CTNNBL1: variants seen among roughly 807,000 people sequenced by gnomAD.
CTNNBL1 encodes the protein catenin beta like 1, also known as beta-catenin-like protein 1.
In CTNNBL1, 31 loss-of-function variants were observed where a neutral mutation model predicts 72.7. The ratio of observed to expected loss-of-function variants is 0.43; its 90% CI spans 0.32 to 0.58. The LOEUF (loss-of-function observed/expected upper bound fraction) is 0.58, where lower values mean the gene tolerates loss of function less well. Ranked by LOEUF, CTNNBL1 falls within the 20% of genes least tolerant of loss-of-function variation. The pLI is 0.08. For synonymous variants in CTNNBL1, 240 were observed against 267.3 expected, an observed-to-expected ratio of 0.90 and a Z score of 1.00; for missense variants, 534 against 725.1, an observed-to-expected ratio of 0.74 and a Z score of 3.03.
intron 8 of CTNNBL1, 75 bp from the exon 9 acceptor site, chr20:37,777,579 G>A: frequency 3.4e-6 from 5 of 1,455,672 alleles, no homozygotes; most frequent in South Asian, 1.1e-5. Context: ...GTTTGCTGAT[G>A]TATCAGTGTT....
chr20:37,807,985 G>A (rs562702832), intron 11 of CTNNBL1, among the ~76,000 whole-genome samples: 76 of 152,126 alleles, frequency 5.0e-4, no homozygotes, highest in African/African-American at 1.6e-3. Context: ...AGTTTTCCTC[G>A]TATTGCTTCA....
intron 13 of CTNNBL1, among the ~76,000 whole-genome samples, chr20:37,855,335 A>T (rs2072430622): frequency 6.6e-6 from 1 of 152,182 alleles, no homozygotes; most frequent in Non-Finnish European, 1.5e-5. Context: ...GACTTAGTCC[A>T]GCCTTCTTCT....
In CTNNBL1 at chr20:37,842,401, G is replaced by A; in HGVS notation, c.1374G>A (p.Lys458=). The A allele has an allele frequency of 6.2e-7, 1 of 1,613,618 alleles. No individual in the cohort carries two copies. Among genetic ancestry groups the A allele is most frequent in the Non-Finnish European group, 8.5e-7 (1 of 1,179,472 alleles). Residue 458 remains lysine (K), a synonymous_variant, in exon 13 of 16, where the codon AAG becomes AAA. Transcript: ENST00000361383. ...YLGAMQVADK[K]IEGEKHDMVR... Reference sequence around the variant, plus strand: ...GTGCAATGCAGGTGGCGGACAAGAAGATTGAAGGGGAAAAACACGTATGTA... The same window carrying A: ...GTGCAATGCAGGTGGCGGACAAGAAAATTGAAGGGGAAAAACACGTATGTA...
At chr20:37,814,206 G>T (rs1483548679) in intron 11 of CTNNBL1, among the ~76,000 whole-genome samples, 1 of 152,130 alleles carries the variant, frequency 6.6e-6, no homozygotes, top group African/African-American at 2.4e-5. Context: ...GTTTGTTTTG[G>T]TTTTTTTAGA....
At chr20:37,800,456 G>A (rs1164256141) in intron 10 of CTNNBL1, among the ~76,000 whole-genome samples, 1 of 152,108 alleles carries the variant, frequency 6.6e-6, no homozygotes, top group Non-Finnish European at 1.5e-5. Flanking sequence ...GTGGCTTCCT[G>A]ATGGTGAAAT....
At chr20:37,869,274 GCAGGGGTGGGGCTGA>G (rs2072562504) in intron 15 of CTNNBL1, among the ~76,000 whole-genome samples, 1 of 152,244 alleles carries the variant, frequency 6.6e-6, no homozygotes, top group Non-Finnish European at 1.5e-5. Context: ...CCCAGCATTG[GCAGGGGTGGGGCTGA>G]CAGGGGAGGG....
chr20:37,723,369 G>T (rs141331209), intron 1 of CTNNBL1, among the ~76,000 whole-genome samples: 1 of 152,106 alleles, frequency 6.6e-6, no homozygotes, highest in African/African-American at 2.4e-5. Flanking sequence ...CCCCTTCATT[G>T]TGAACATTGA....
At chr20:37,785,743 C>T (rs560959532) in intron 10 of CTNNBL1, among the ~76,000 whole-genome samples, 44 of 152,132 alleles carry the variant, frequency 2.9e-4, no homozygotes, top group Non-Finnish European at 5.6e-4. Context: ...TGTCACTGGT[C>T]TCTTACTTAG....
At chr20:37,737,350 A>C (rs766443965) in intron 2 of CTNNBL1, 28 bp from the exon 3 acceptor site, 1 of 1,525,938 alleles carries the variant, frequency 6.6e-7, no homozygotes, top group Non-Finnish European at 9.1e-7. Flanking sequence ...TGTGGACTGA[A>C]GTTTTTGCAT....
intron 10 of CTNNBL1, among the ~76,000 whole-genome samples, chr20:37,786,425 A>G (rs1455391427): frequency 1.3e-5 from 2 of 152,154 alleles, no homozygotes; most frequent in African/African-American, 4.8e-5. Flanking sequence ...AACCTTAGAA[A>G]TCTACCTGAT....
At chr20:37,756,822 T>A (rs1195178077) in intron 4 of CTNNBL1, among the ~76,000 whole-genome samples, 3 of 150,860 alleles carry the variant, frequency 2.0e-5, no homozygotes, top group African/African-American at 7.4e-5. Flanking sequence ...TTTTTCTAAA[T>A]GTTTAGTAGA....
intron 4 of CTNNBL1, among the ~76,000 whole-genome samples, chr20:37,748,928 G>C (rs2073292949): frequency 6.6e-6 from 1 of 152,210 alleles, no homozygotes; most frequent in Admixed American, 6.5e-5. Flanking sequence ...TCTATTCTGG[G>C]CACTAATGGT....
intron 1 of CTNNBL1, among the ~76,000 whole-genome samples, 167 bp from the exon 2 acceptor site, chr20:37,732,712 T>C (rs1416659909): frequency 6.6e-6 from 1 of 152,172 alleles, no homozygotes; most frequent in African/African-American, 2.4e-5. Context: ...TTGTATTTTT[T>C]GTAGAGTCAG....
intron 1 of CTNNBL1, among the ~76,000 whole-genome samples, chr20:37,701,556 G>T (rs147699869): frequency 6.6e-6 from 1 of 152,178 alleles, no homozygotes; most frequent in East Asian, 1.9e-4. Context: ...GGGATATATC[G>T]ATGGGGATGG....
At chr20:37,819,706 C>T (rs1178183834) in intron 11 of CTNNBL1, among the ~76,000 whole-genome samples, 1 of 151,986 alleles carries the variant, frequency 6.6e-6, no homozygotes, top group Non-Finnish European at 1.5e-5. Flanking sequence ...ATTGGCTTCC[C>T]TCCTACACCA....
chr20:37,836,007 A>C (rs1445274658), intron 11 of CTNNBL1, among the ~76,000 whole-genome samples: 1 of 152,238 alleles, frequency 6.6e-6, no homozygotes, highest in Non-Finnish European at 1.5e-5. Context: ...ATGCTCAATA[A>C]ATATCAAGTA....
At chr20:37,826,800 A>G (rs1021478680) in intron 11 of CTNNBL1, among the ~76,000 whole-genome samples, 2 of 152,222 alleles carry the variant, frequency 1.3e-5, no homozygotes, top group African/African-American at 2.4e-5. Flanking sequence ...TAAGTTGCAG[A>G]CAGCATTACA....
intron 10 of CTNNBL1, among the ~76,000 whole-genome samples, chr20:37,783,357 C>T (rs749759849): frequency 2.0e-5 from 3 of 151,518 alleles, no homozygotes; most frequent in African/African-American, 4.8e-5. Flanking sequence ...TTGTTTGTTT[C>T]ATTTATTTCT....
Position 37,797,192 on chromosome 20 carries a change from T to A in CTNNBL1, c.1032-5675T>A, listed in dbSNP as rs138530172. On this transcript the variant is annotated intron_variant, in intron 10 of 15. Coordinates refer to ENST00000361383, the MANE Select transcript of CTNNBL1 (RefSeq NM_030877.5). Reference sequence around the variant, plus strand: ...GATCTTACTGTCTAATTCATAGAAATCCTGAATCCTGTAAAGTGATCTTGT... The same window carrying A: ...GATCTTACTGTCTAATTCATAGAAAACCTGAATCCTGTAAAGTGATCTTGT... 3.4e-4 allele frequency among the ~76,000 whole-genome samples: 52 copies of A among 152,314 alleles called. 2 individuals are homozygous for A. The East Asian group carries it at 9.6e-3, about 28-fold the overall frequency.
Sources: allele counts gnomAD v4.1 joint callset (sites outside exome capture counted in the v4.1 genomes callset), GRCh38; gene constraint gnomAD v4.1.1; transcripts MANE v1.5; gene names NCBI Gene and HGNC (gene_info 2026-07-23, HGNC 2026-07-21).